Variants in CAST observed in about 807,000 individuals in gnomAD.
The protein encoded by CAST is MIR583 host.
A neutral mutation model predicts 119.6 loss-of-function variants in CAST; 76 were observed. That is an observed-to-expected ratio of 0.64 (90% CI 0.53 to 0.77). The LOEUF (loss-of-function observed/expected upper bound fraction) is 0.77, where lower values mean the gene tolerates loss of function less well. Among genes scored for constraint, CAST ranks in the 30% least tolerant of loss-of-function variants. The pLI is 0.00. For synonymous variants in CAST, 319 were observed against 331.6 expected (o/e 0.96, Z 0.41); for missense variants, 953 against 946.5 (o/e 1.01, Z -0.09).
At chr5:96,733,466 A>G (rs1274108238) in intron 9 of CAST, among the ~76,000 whole-genome samples, 3 of 152,248 alleles carry the variant, frequency 2.0e-5, no homozygotes, top group Admixed American at 6.5e-5. Flanking sequence ...CCAGTGTTAT[A>G]AGTGAAAACT....
At chr5:96,586,947 TAGA>T (rs1467072635) in intron 1 of CAST, among the ~76,000 whole-genome samples, 1 of 152,132 alleles carries the variant, frequency 6.6e-6, no homozygotes, top group Non-Finnish European at 1.5e-5. Context: ...GATGAGGAAA[TAGA>T]AGTAAATTAG....
the CAST span, among the ~76,000 whole-genome samples, chr5:96,012,648 T>C: frequency 6.6e-6 from 1 of 152,190 alleles, no homozygotes; most frequent in South Asian, 2.1e-4. Flanking sequence ...CTTTGCTACT[T>C]CTTAGACCTG....
chr5:96,353,284 C>A, the CAST span, among the ~76,000 whole-genome samples: 1 of 152,136 alleles, frequency 6.6e-6, no homozygotes, highest in Non-Finnish European at 1.5e-5. Flanking sequence ...TTCAGTTTAG[C>A]TAGTACAGCA....
chr5:96,302,914 A>G, the CAST span, among the ~76,000 whole-genome samples: 3 of 152,070 alleles, frequency 2.0e-5, no homozygotes, highest in Admixed American at 1.3e-4. Context: ...CCCCTTACCC[A>G]CTTCCAAAGT....
intron 19 of CAST, among the ~76,000 whole-genome samples, chr5:96,748,889 G>C (rs2150566628): frequency 6.6e-6 from 1 of 152,214 alleles, no homozygotes; most frequent in South Asian, 2.1e-4. Flanking sequence ...GATTGGAACT[G>C]TCACCACCCC....
chr5:96,683,141 GT>G (rs1274938816), intron 2 of CAST, among the ~76,000 whole-genome samples: 1 of 152,184 alleles, frequency 6.6e-6, no homozygotes, highest in Non-Finnish European at 1.5e-5. Flanking sequence ...TGACTGCTAG[GT>G]TTTCTAGATG....
the CAST span, among the ~76,000 whole-genome samples, chr5:96,500,056 C>A: frequency 9.9e-5 from 15 of 152,036 alleles, no homozygotes; most frequent in Non-Finnish European, 1.9e-4. Context: ...CAGATAAGTT[C>A]GCCGCCTCAT....
At chr5:96,530,669 G>T (rs1412335446) in intron 1 of CAST, among the ~76,000 whole-genome samples, 1 of 152,200 alleles carries the variant, frequency 6.6e-6, no homozygotes, top group African/African-American at 2.4e-5. Context: ...AGAAAAACTG[G>T]AGGAACGGCT....
chr5:96,449,312 CTGCCAGTAAGGTGAGG>C, the CAST span, among the ~76,000 whole-genome samples: 1 of 152,200 alleles, frequency 6.6e-6, no homozygotes, highest in Non-Finnish European at 1.5e-5. Flanking sequence ...ACCAGGTGAG[CTGCCAGTAAGGTGAGG>C]TGCCAGTAAG....
At chr5:96,080,237 C>T in the CAST span, among the ~76,000 whole-genome samples, 1 of 152,182 alleles carries the variant, frequency 6.6e-6, no homozygotes, top group Non-Finnish European at 1.5e-5. Flanking sequence ...AACAGAAGTA[C>T]ATCATGCTGA....
the CAST span, among the ~76,000 whole-genome samples, chr5:96,139,507 C>CAT: frequency 1.5e-4 from 22 of 145,704 alleles, no homozygotes; most frequent in East Asian, 4.0e-4. Flanking sequence ...TATATATACA[C>CAT]ATATATATAT....
the CAST span, among the ~76,000 whole-genome samples, chr5:96,080,743 T>G: frequency 2.0e-5 from 3 of 152,164 alleles, no homozygotes; most frequent in African/African-American, 7.2e-5. Context: ...TTGTTCCCTG[T>G]GTGTGGAATG....
chr5:96,313,760 C>T, the CAST span, among the ~76,000 whole-genome samples: 11 of 152,118 alleles, frequency 7.2e-5, no homozygotes, highest in Admixed American at 6.6e-5. Flanking sequence ...GGTTTGCATT[C>T]TCTTCAGCAT....
At chr5:96,440,038 TC>T in the CAST span, among the ~76,000 whole-genome samples, 1 of 152,106 alleles carries the variant, frequency 6.6e-6, no homozygotes, top group African/African-American at 2.4e-5. Context: ...ATACTGAAAC[TC>T]AGGAAATAGC....
the CAST span, among the ~76,000 whole-genome samples, chr5:96,498,653 T>C: frequency 1.3e-5 from 2 of 152,250 alleles, no homozygotes; most frequent in Non-Finnish European, 2.9e-5. Context: ...AATACAATTG[T>C]ACCATTTTAT....
intron 24 of CAST, chr5:96,760,927 C>A (rs1209604736): frequency 1.3e-5 from 2 of 151,856 alleles, no homozygotes; most frequent in Non-Finnish European, 3.0e-5. Flanking sequence ...TACTAAAAAG[C>A]ATTTTTCAGT....
chr5:95,989,459 G>A, the CAST span, among the ~76,000 whole-genome samples: 1 of 152,136 alleles, frequency 6.6e-6, no homozygotes, highest in Non-Finnish European at 1.5e-5. Context: ...AGCCGTATTG[G>A]TTCATATAAG....
At chr5:96,680,073 A>G (rs1751171206) in intron 2 of CAST, among the ~76,000 whole-genome samples, 1 of 152,008 alleles carries the variant, frequency 6.6e-6, no homozygotes, top group African/African-American at 2.4e-5. Context: ...ACCCTTGGCC[A>G]GGCGTGGTGG....
chr5:96,472,000 C>T, the CAST span, among the ~76,000 whole-genome samples: 1 of 152,058 alleles, frequency 6.6e-6, no homozygotes, highest in African/African-American at 2.4e-5. Context: ...AAATTATTTG[C>T]TTCACGGCTG....
Sources: gnomAD v4.1 joint callset for allele counts (sites outside exome capture counted in the v4.1 genomes callset) on GRCh38, gnomAD v4.1.1 for gene constraint, MANE v1.5 for transcripts, NCBI Gene and HGNC (gene_info 2026-07-23, HGNC 2026-07-21) for gene names.